SPTBN5: variants seen among roughly 807,000 people sequenced by gnomAD.
SPTBN5 encodes the protein spectrin beta chain, non-erythrocytic 5.
A neutral mutation model predicts 477.6 loss-of-function variants in SPTBN5; 513 were observed. The observed-to-expected ratio is 1.07, with a 90% CI of 1.00 to 1.16. The LOEUF is 1.16. SPTBN5 is among the 50% of genes most tolerant of loss of function. SPTBN5 has a pLI of 0.00. For synonymous variants in SPTBN5, 2,169 were observed against 2,011.7 expected (o/e 1.08, Z -2.09); for missense variants, 5,062 against 4,731.8 (o/e 1.07, Z -2.05).
At chr15:41,869,372 G>C (rs1019813488) in intron 32 of SPTBN5, among the ~76,000 whole-genome samples, 2 of 152,228 alleles carry the variant, frequency 1.3e-5, no homozygotes, top group African/African-American at 4.8e-5. Flanking sequence ...GTCCCAGTCT[G>C]ATTCTCTGGG....
At position 41,883,018 on chromosome 15, in the gene SPTBN5, G is replaced by A; in HGVS notation, c.1870C>T (p.Leu624=). 2 of 1,549,492 alleles carry A rather than the reference G, an allele frequency of 1.3e-6. No individual in the cohort carries two copies. The highest frequency in any genetic ancestry group is 1.7e-6 in the Non-Finnish European group (2 of 1,150,788). The part of the protein sequence containing the change: ...ARTLAQLQQS[L]VALVRARRAL... ...TACCGGGCCCTGACAAGAGCCACCA[G>A]GCTCTGTTGGAGCTGGGCCAGTGTC... is the stretch of plus-strand genomic sequence containing the variant. Residue 624 remains leucine, a synonymous_variant, in exon 9 of 68, where the codon CTG becomes TTG. Transcript: ENST00000320955.
At chr15:41,887,687 G>C (rs1384598080) in intron 5 of SPTBN5, among the ~76,000 whole-genome samples, 1 of 152,194 alleles carries the variant, frequency 6.6e-6, no homozygotes. Flanking sequence ...GCAGGGTGTA[G>C]AACATGAATA....
chr15:41,851,296 C>T lies in SPTBN5; in HGVS notation c.10730G>A (p.Arg3577Lys). ...GSSLSLFLDE[R>K]MAAEKVASIA... ...CCCGCCTGGTACCTCCGCTGCCATCCTCTCATCCAGGAACAGGCTCAGAGA... is the reference window on the plus strand; with the variant it reads ...CCCGCCTGGTACCTCCGCTGCCATCTTCTCATCCAGGAACAGGCTCAGAGA... The change falls in exon 64 of 68, where the codon AGG (arginine) becomes AAG (lysine). Residue 3577 changes from arginine (R) to lysine (K), a missense_variant. Arg to Lys is a conservative substitution (Grantham distance 26). Transcript: ENST00000320955. 2 of 1,551,288 alleles carry T rather than the reference C, an allele frequency of 1.3e-6. No homozygotes were observed. The highest frequency in any genetic ancestry group is 3.9e-5 in the Admixed American group (2 of 51,008).
chr15:41,890,348 A>C, intron 3 of SPTBN5, 143 bp from the exon 4 acceptor site: 1 of 647,256 alleles, frequency 1.5e-6, no homozygotes, highest in Non-Finnish European at 2.8e-6. Context: ...AGGGAGAAGC[A>C]GGCAGGGGAT....
rs779230207 is a variant in SPTBN5, at chr15:41,880,161, T to A, written c.2810A>T (p.Glu937Val). ...DTLEVMQLKYENFLTALAVGK... is the reference protein window; with the variant it reads ...DTLEVMQLKYVNFLTALAVGK... ...GGTGCCAAGCTCCCAGGGCTGTACC[T>A]CATATTTGAGCTGCATGACCTCCAG... is the stretch of plus-strand genomic sequence containing the variant. The change falls in exon 14 of 68, where the codon GAG becomes GTG. Residue 937 changes from glutamate to valine, a missense_variant and splice_region_variant. Glu to Val is a moderately radical substitution (Grantham distance 121, BLOSUM62 -2). Coordinates refer to ENST00000320955, the MANE Select transcript of SPTBN5 (RefSeq NM_016642.4). 6.3e-7 allele frequency: 1 copy of A among 1,596,022 alleles called. No individual in the cohort carries two copies. Among genetic ancestry groups the A allele is most frequent in the Admixed American group, 1.8e-5 (1 of 57,004 alleles).
chr15:41,860,597 G>C lies in SPTBN5; in HGVS notation c.7977C>G (p.Ala2659=). 1.4e-6 allele frequency: 2 copies of C among 1,455,010 alleles called. No individual in the cohort carries two copies. Among genetic ancestry groups the C allele is most frequent in the Admixed American group, 2.6e-5 (1 of 39,032 alleles). 90.1% of individuals were successfully genotyped at this position (1,455,010 alleles called of 1,614,324 possible). A position where few individuals can be genotyped will look rare whatever the true frequency, so the allele number is the denominator to read the frequency against. ...EAQSALGRCQ[A]MLLRKEALFR... ...AGAGCCACCACTACCTCAGAAGCAT[G>C]GCCTGGCACCTGCCCAGGGCACTCT... is the stretch of plus-strand genomic sequence containing the variant. Residue 2659 remains alanine (A), a synonymous_variant, in exon 47 of 68, where the codon GCC becomes GCG. Transcript: ENST00000320955.
chr15:41,879,684 G>A, intron 15 of SPTBN5, 50 bp downstream of exon 15: 2 of 1,607,332 alleles, frequency 1.2e-6, no homozygotes, highest in Non-Finnish European at 1.7e-6. Context: ...GGCCCAGGCT[G>A]GGCACTGTGT....
chr15:41,879,286 G>A lies in SPTBN5; in HGVS notation c.3156C>T (p.Val1052=). ...QKKTLVLERR[V]HFLQSVVVKV... is the part of the protein sequence containing the mutation. ...TTACGACCACACTTTGGAGGAAGTG[G>A]ACCCTCCTCTCCAGCACCAGGGTCT... is the stretch of plus-strand genomic sequence containing the variant. The change falls in exon 16 of 68, where the codon GTC becomes GTT. Residue 1052 remains valine, a synonymous_variant. Coordinates refer to ENST00000320955, the MANE Select transcript of SPTBN5 (RefSeq NM_016642.4). 1 of 1,611,928 alleles carries A rather than the reference G, an allele frequency of 6.2e-7. No homozygotes were observed. The highest frequency in any genetic ancestry group is 1.7e-4 in the Middle Eastern group (1 of 5,954).
At position 41,876,609 on chromosome 15, in the gene SPTBN5, G is replaced by A. The variant is rs1289486119; in HGVS notation, c.3890C>T (p.Thr1297Ile). 1.2e-6 allele frequency: 2 copies of A among 1,603,598 alleles called. No individual in the cohort carries two copies. The highest frequency in any genetic ancestry group is 1.4e-5 in the African/African-American group (1 of 73,182). The change falls in exon 20 of 68, where the codon ACC becomes ATC. Residue 1297 changes from threonine to isoleucine, a missense_variant. Thr to Ile is a moderately conservative substitution (Grantham distance 89, BLOSUM62 -1). Transcript: ENST00000320955. ...CTGCTCACTCCTCCCCTGGAGCCTG[G>A]TCCACTGTGCCTGGATACTCTGCAG... ...EQLQSIQAQW[T>I]RLQGRSEQRR...
chr15:41,859,855 G>A (rs1164953022), intron 47 of SPTBN5, among the ~76,000 whole-genome samples: 1 of 152,232 alleles, frequency 6.6e-6, no homozygotes, highest in African/African-American at 2.4e-5. Context: ...CAGGACACCA[G>A]CACAAGGAGC....
In SPTBN5 at chr15:41,873,958, G is replaced by A. The variant is rs370329956; in HGVS notation, c.4777C>T (p.Gln1593Ter). ...GRSLAASGHP[Q>*]AQHIVEQCQE... is the part of the protein sequence containing the mutation. The stretch of plus-strand genomic sequence containing the variant: ...CACTGCTCCACGATGTGTTGGGCTT[G>A]GGGGTGCCCTGAGGCTGCCAGGCTC... The change falls in exon 25 of 68, where the codon CAA becomes TAA. Residue 1593 changes from glutamine (Q) to a stop codon, truncating the protein, a stop_gained. Transcript: ENST00000320955. LOFTEE classifies it high-confidence loss of function. The A allele has an allele frequency of 3.1e-6, 5 of 1,608,664 alleles. No homozygotes were observed. Among genetic ancestry groups the A allele is most frequent in the Non-Finnish European group, 4.2e-6 (5 of 1,179,858 alleles).
chr15:41,858,836 C>T, intron 48 of SPTBN5, 54 bp downstream of exon 48: 1 of 1,546,026 alleles, frequency 6.5e-7, no homozygotes, highest in Non-Finnish European at 8.8e-7. Flanking sequence ...GTGGCCTTTC[C>T]CTGGGTCGAC....
At position 41,857,271 on chromosome 15, in the gene SPTBN5, T is replaced by A; in HGVS notation, c.8588A>T (p.Asp2863Val). The A allele has an allele frequency of 6.3e-7, 1 of 1,581,110 alleles. No homozygotes were observed. Among genetic ancestry groups the A allele is most frequent in the Middle Eastern group, 1.7e-4 (1 of 5,956 alleles). The change falls in exon 51 of 68, where the codon GAT becomes GTT. Residue 2863 changes from aspartate to valine, a missense_variant. Coordinates refer to ENST00000320955, the MANE Select transcript of SPTBN5 (RefSeq NM_016642.4). ...FVREGHCLAQ[D>V]VEEQARRLLQ... ...CAGCCGCCGGGCCTGCTCTTCCACA[T>A]CTTGGGCAAGGCAGTGGCCTTCCCT...
At chr15:41,863,192 A>G (rs2066177539) in intron 41 of SPTBN5, among the ~76,000 whole-genome samples, 1 of 152,252 alleles carries the variant, frequency 6.6e-6, no homozygotes. Context: ...TAGAGCAAGG[A>G]TGGACAGACA....
rs2066773744 is a variant in SPTBN5 at position 41,877,287 on chromosome 15, G to A, written c.3540C>T (p.Pro1180=). ...GCTGCCCCAGGACCCTCAGAGTGTT[G>A]GGCACCTCTTGGGAGTCTGGGCAGT... ...ALDCPDSQEV[P]NTLRVLGQQG... The change falls in exon 18 of 68, where the codon CCC becomes CCT. Residue 1180 remains proline, a synonymous_variant. Transcript: ENST00000320955. The A allele has an allele frequency of 6.2e-7, 1 of 1,613,422 alleles. No homozygotes were observed. Among genetic ancestry groups the A allele is most frequent in the African/African-American group, 1.3e-5 (1 of 74,920 alleles).
chr15:41,877,041 G>A, intron 18 of SPTBN5, 75 bp downstream of exon 18: 1 of 1,597,238 alleles, frequency 6.3e-7, no homozygotes. Context: ...GCCCAGCCTG[G>A]CTTCTGGACT....
In SPTBN5 at chr15:41,882,088, C is replaced by G. The variant is rs1199233660; in HGVS notation, c.2305G>C (p.Glu769Gln). The change falls in exon 12 of 68, where the codon GAG becomes CAG. Residue 769 changes from glutamate (E) to glutamine (Q), a missense_variant. Transcript: ENST00000320955. ...SWLRERRSSL[E>Q]RASCGQDQAA... ...TGGTCCTGACCGCAGGACGCTCTCT[C>G]CAGCGAGGATCGCCGCTCGCGCAGC... 6.4e-7 allele frequency: 1 copy of G among 1,573,788 alleles called. No homozygotes were observed. The highest frequency in any genetic ancestry group is 1.1e-5 in the South Asian group (1 of 87,424).
rs1190515303 is a variant in SPTBN5 at position 41,876,703 on chromosome 15, C to A, written c.3852-56G>T. ...ATGGGAGAGGACTCCCACCCCAGCA[C>A]GAGGTGCACTCTCCCCCACCCCCTA... is the stretch of plus-strand genomic sequence containing the variant. On this transcript the variant is annotated intron_variant, in intron 19 of 67. Transcript: ENST00000320955. 4 of 1,587,864 alleles carry A rather than the reference C, an allele frequency of 2.5e-6. No homozygotes were observed. In the Middle Eastern group the frequency reaches 7.7e-4, roughly 306 times the overall value.
rs770605297 is a variant in SPTBN5 at position 41,880,279 on chromosome 15, G to A, written c.2692C>T (p.Leu898=). 29 of 1,607,090 alleles carry A rather than the reference G, an allele frequency of 1.8e-5. No homozygotes were observed. The East Asian group carries it at 6.3e-4, about 35-fold the overall frequency. Residue 898 remains leucine (L), a synonymous_variant, in exon 14 of 68, where the codon CTG becomes TTG. Coordinates refer to ENST00000320955, the MANE Select transcript of SPTBN5 (RefSeq NM_016642.4). ...RRARLEEAMA[L]FGFCSSCGEL... is the part of the protein sequence containing the mutation. Reference sequence around the variant, plus strand: ...CCACAGGAACTGCAGAAACCGAACAGGGCCATGGCCTCCTCCAACCGGGCC... The same window carrying A: ...CCACAGGAACTGCAGAAACCGAACAAGGCCATGGCCTCCTCCAACCGGGCC...
Sources: gnomAD v4.1 joint callset for allele counts (sites outside exome capture counted in the v4.1 genomes callset) on GRCh38, gnomAD v4.1.1 for gene constraint, MANE v1.5 for transcripts, NCBI Gene and HGNC (gene_info 2026-07-23, HGNC 2026-07-21) for gene names.